GALNT13: variants seen among roughly 807,000 people sequenced by gnomAD.
GALNT13 encodes polypeptide N-acetylgalactosaminyltransferase 13.
GALNT13 carries 28 observed loss-of-function variants against 64.2 expected under a neutral mutation model. The ratio of observed to expected loss-of-function variants is 0.44; its 90% CI spans 0.32 to 0.60. The LOEUF is 0.60. GALNT13 is among the 20% of genes least tolerant of loss of function. The probability of loss-of-function intolerance (pLI) is 0.05; values close to 1 mark genes in which losing one functional copy is unlikely to be tolerated. For synonymous variants in GALNT13, 214 were observed against 224.6 expected, an observed-to-expected ratio of 0.95 and a Z score of 0.42; for missense variants, 577 against 669.8, an observed-to-expected ratio of 0.86 and a Z score of 1.53.
chr2:153,984,948 A>G (rs1402151585), intron 3 of GALNT13, among the ~76,000 whole-genome samples: 1 of 151,816 alleles, frequency 6.6e-6, no homozygotes, highest in Non-Finnish European at 1.5e-5. Flanking sequence ...AAATATGCAT[A>G]ATTTTTCGAA....
intron 8 of GALNT13, among the ~76,000 whole-genome samples, chr2:154,296,709 G>A (rs547058432): frequency 1.3e-5 from 2 of 151,936 alleles, no homozygotes; most frequent in Non-Finnish European, 2.9e-5. Flanking sequence ...ACTAAACAGG[G>A]TTCTCTTAGA....
chr2:153,767,585 C>G, the GALNT13 span, among the ~76,000 whole-genome samples: 1 of 152,124 alleles, frequency 6.6e-6, no homozygotes, highest in Non-Finnish European at 1.5e-5. Context: ...TGAATGTTCC[C>G]TTTACTCCAC....
chr2:154,134,704 T>C (rs1159710582), intron 3 of GALNT13, among the ~76,000 whole-genome samples: 5 of 152,192 alleles, frequency 3.3e-5, no homozygotes, highest in South Asian at 4.1e-4. Context: ...AAAATTAGCA[T>C]GTACAGGCTG....
At chr2:154,434,443 T>C (rs1700848795) in intron 11 of GALNT13, among the ~76,000 whole-genome samples, 1 of 152,162 alleles carries the variant, frequency 6.6e-6, no homozygotes, top group Admixed American at 6.5e-5. Context: ...GTATTTTTAG[T>C]AGAGACGGGG....
At chr2:154,279,869 A>C (rs1488027030) in intron 8 of GALNT13, among the ~76,000 whole-genome samples, 2 of 152,088 alleles carry the variant, frequency 1.3e-5, no homozygotes, top group African/African-American at 4.8e-5. Context: ...TTCTTGAATA[A>C]GTACTTGAGG....
the GALNT13 span, among the ~76,000 whole-genome samples, chr2:153,586,530 TG>T: frequency 4.6e-5 from 7 of 152,080 alleles, no homozygotes; most frequent in African/African-American, 1.7e-4. Context: ...CACACAGATT[TG>T]CAAACAAATA....
the GALNT13 span, among the ~76,000 whole-genome samples, chr2:153,501,195 G>A: frequency 6.6e-6 from 1 of 152,154 alleles, no homozygotes; most frequent in Non-Finnish European, 1.5e-5. Context: ...CCAAAATGAT[G>A]ACTCAAAAAT....
At chr2:154,314,390 C>A (rs1346176310) in intron 9 of GALNT13, among the ~76,000 whole-genome samples, 1 of 152,066 alleles carries the variant, frequency 6.6e-6, no homozygotes, top group African/African-American at 2.4e-5. Flanking sequence ...CAGCTAAGTC[C>A]CCCAAATTAG....
chr2:154,174,771 G>A (rs1336042047), intron 4 of GALNT13, among the ~76,000 whole-genome samples: 4 of 152,162 alleles, frequency 2.6e-5, no homozygotes, highest in East Asian at 1.9e-4. Flanking sequence ...AATCAACTAC[G>A]TATATGGGAT....
intron 8 of GALNT13, among the ~76,000 whole-genome samples, chr2:154,279,400 G>C (rs912867379): frequency 2.0e-5 from 3 of 152,140 alleles, no homozygotes; most frequent in Non-Finnish European, 4.4e-5. Flanking sequence ...TTTCGAGGTA[G>C]AAATGAGTAG....
the GALNT13 span, among the ~76,000 whole-genome samples, chr2:153,836,183 T>C: frequency 1.3e-5 from 2 of 152,112 alleles, no homozygotes; most frequent in African/African-American, 2.4e-5. Context: ...GGGCAATTTA[T>C]TGATGTGATA....
At chr2:153,907,511 C>T (rs1688657982) in intron 2 of GALNT13, among the ~76,000 whole-genome samples, 1 of 151,708 alleles carries the variant, frequency 6.6e-6, no homozygotes, top group African/African-American at 2.4e-5. Flanking sequence ...GAATACTAAG[C>T]CTCGTACCTA....
the GALNT13 span, among the ~76,000 whole-genome samples, chr2:153,655,717 A>T: frequency 6.6e-6 from 1 of 152,160 alleles, no homozygotes; most frequent in Non-Finnish European, 1.5e-5. Context: ...AGAAGCCGGG[A>T]CATATAGAAA....
At chr2:153,633,323 T>C in the GALNT13 span, among the ~76,000 whole-genome samples, 1 of 152,166 alleles carries the variant, frequency 6.6e-6, no homozygotes, top group Non-Finnish European at 1.5e-5. Context: ...AGTATTCTTC[T>C]TAGAAGAAAT....
At chr2:154,063,438 TACTA>T (rs1414328507) in intron 3 of GALNT13, among the ~76,000 whole-genome samples, 2 of 152,334 alleles carry the variant, frequency 1.3e-5, no homozygotes, top group African/African-American at 4.8e-5. Flanking sequence ...AGATTTGTAA[TACTA>T]GGTGACTTGG....
the GALNT13 span, among the ~76,000 whole-genome samples, chr2:153,659,676 A>T: frequency 6.6e-6 from 1 of 152,180 alleles, no homozygotes; most frequent in Non-Finnish European, 1.5e-5. Context: ...TCAAATTATC[A>T]GTTGCAATCA....
chr2:153,409,372 G>GTA, the GALNT13 span, among the ~76,000 whole-genome samples: 4 of 148,088 alleles, frequency 2.7e-5, no homozygotes, highest in Non-Finnish European at 4.5e-5. Context: ...ATATTCATAT[G>GTA]TGTGTATATA....
intron 2 of GALNT13, among the ~76,000 whole-genome samples, chr2:153,903,901 C>G (rs564481175): frequency 2.2e-4 from 34 of 151,958 alleles, no homozygotes; most frequent in Non-Finnish European, 4.7e-4. Flanking sequence ...CCTACTTTTT[C>G]TGCCTGCCAG....
chr2:153,682,201 G>C, the GALNT13 span, among the ~76,000 whole-genome samples: 1 of 151,738 alleles, frequency 6.6e-6, no homozygotes, highest in Non-Finnish European at 1.5e-5. Flanking sequence ...TTGCTCTTCT[G>C]TCATATTTAT....
Sources: gnomAD v4.1 joint callset for allele counts (sites outside exome capture counted in the v4.1 genomes callset) on GRCh38, gnomAD v4.1.1 for gene constraint, MANE v1.5 for transcripts, NCBI Gene and HGNC (gene_info 2026-07-23, HGNC 2026-07-21) for gene names.